The following TSHZ2 variants were observed in gnomAD, a reference collection of about 807,000 sequenced individuals.
The protein encoded by TSHZ2 is teashirt zinc finger homeobox 2, also known as teashirt homolog 2.
TSHZ2 carries 21 observed loss-of-function variants against 74.4 expected under a neutral mutation model. The observed-to-expected ratio is 0.28, with a 90% CI of 0.20 to 0.41. TSHZ2 has a LOEUF of 0.41. Ranked by LOEUF, TSHZ2 falls within the 10% of genes least tolerant of loss-of-function variation. TSHZ2 has a pLI of 1.00. For synonymous variants in TSHZ2, 540 were observed against 515.3 expected (o/e 1.05, Z -0.65); for missense variants, 1,244 against 1,293.5 (o/e 0.96, Z 0.59).
intron 2 of TSHZ2, among the ~76,000 whole-genome samples, chr20:53,327,405 C>T (rs1843549338): frequency 6.6e-6 from 1 of 152,164 alleles, no homozygotes; most frequent in South Asian, 2.1e-4. Flanking sequence ...AGGAGAATGG[C>T]ATGAACCCGG....
At chr20:53,405,388 G>A (rs955749297) in intron 2 of TSHZ2, among the ~76,000 whole-genome samples, 4 of 152,146 alleles carry the variant, frequency 2.6e-5, no homozygotes, top group South Asian at 2.1e-4. Flanking sequence ...CAGAACCACC[G>A]GGGACTGACA....
chr20:53,437,005 C>G (rs1984108929), intron 2 of TSHZ2, among the ~76,000 whole-genome samples: 1 of 152,190 alleles, frequency 6.6e-6, no homozygotes, highest in Non-Finnish European at 1.5e-5. Flanking sequence ...CCTGCTCAAA[C>G]ACCACCTCCT....
chr20:53,469,614 TAGAG>T (rs1437061564), intron 2 of TSHZ2, among the ~76,000 whole-genome samples: 1 of 69,874 alleles, frequency 1.4e-5, no homozygotes, highest in African/African-American at 5.9e-5. Context: ...GAAAGATAGA[TAGAG>T]AGGGAGGAAG....
At chr20:53,304,789 G>A (rs8121015) in intron 2 of TSHZ2, among the ~76,000 whole-genome samples, 44,489 of 151,588 alleles carry the variant, frequency 0.29, 7,081 homozygotes, top group Non-Finnish European at 0.35. Context: ...GCACCACCAC[G>A]CCCAGCTAAT....
At chr20:53,482,598 G>A (rs914007706) in intron 2 of TSHZ2, among the ~76,000 whole-genome samples, 1 of 152,056 alleles carries the variant, frequency 6.6e-6, no homozygotes, top group Non-Finnish European at 1.5e-5. Context: ...CACCTACTAT[G>A]TGCACACAAA....
intron 2 of TSHZ2, among the ~76,000 whole-genome samples, chr20:53,372,856 C>G (rs1218090626): frequency 2.6e-5 from 4 of 152,206 alleles, no homozygotes; most frequent in African/African-American, 9.7e-5. Flanking sequence ...GAAAATCTAC[C>G]TCCTGGAATC....
At chr20:52,986,705 G>T (rs552258873) in intron 1 of TSHZ2, among the ~76,000 whole-genome samples, 4 of 152,124 alleles carry the variant, frequency 2.6e-5, no homozygotes, top group African/African-American at 9.6e-5. Flanking sequence ...CTCCAGCCTG[G>T]GCAACAGAGT....
chr20:53,013,011 GA>G (rs1054438512), intron 1 of TSHZ2, among the ~76,000 whole-genome samples: 3 of 151,866 alleles, frequency 2.0e-5, no homozygotes, highest in Non-Finnish European at 4.4e-5. Flanking sequence ...TATGATCTCA[GA>G]AAAAAAGAAT....
intron 2 of TSHZ2, among the ~76,000 whole-genome samples, chr20:53,304,083 C>T (rs1444541403): frequency 6.6e-6 from 1 of 151,710 alleles, no homozygotes; most frequent in African/African-American, 2.4e-5. Flanking sequence ...TACATGTGCA[C>T]AATGTGCAGG....
intron 1 of TSHZ2, among the ~76,000 whole-genome samples, chr20:53,186,813 C>T (rs537659156): frequency 9.9e-4 from 150 of 152,216 alleles, no homozygotes; most frequent in African/African-American, 3.5e-3. Context: ...CCTCATCAAT[C>T]ACTTGGGGGA....
chr20:53,075,637 A>G (rs1985342596), intron 1 of TSHZ2, among the ~76,000 whole-genome samples: 1 of 152,228 alleles, frequency 6.6e-6, no homozygotes, highest in African/African-American at 2.4e-5. Context: ...AGGACAGGTG[A>G]GAACTAAACA....
chr20:53,014,527 C>T (rs1377017204), intron 1 of TSHZ2, among the ~76,000 whole-genome samples: 3 of 152,122 alleles, frequency 2.0e-5, no homozygotes, highest in Non-Finnish European at 2.9e-5. Flanking sequence ...ACTGGAGGCA[C>T]CTGGATTCCT....
intron 2 of TSHZ2, among the ~76,000 whole-genome samples, chr20:53,341,959 C>G (rs1300705643): frequency 6.6e-6 from 1 of 152,198 alleles, no homozygotes; most frequent in Non-Finnish European, 1.5e-5. Context: ...GATCCACCCA[C>G]CTCGGCCTCC....
chr20:53,240,705 A>T (rs1474267349), intron 1 of TSHZ2, among the ~76,000 whole-genome samples: 1 of 148,076 alleles, frequency 6.8e-6, no homozygotes, highest in Non-Finnish European at 1.5e-5. Flanking sequence ...ACTGTGCATT[A>T]AAATAGATAG....
chr20:53,415,298 A>C (rs1983197496), intron 2 of TSHZ2, among the ~76,000 whole-genome samples: 1 of 152,238 alleles, frequency 6.6e-6, no homozygotes, highest in Non-Finnish European at 1.5e-5. Context: ...TGTCTTAAGA[A>C]ATGCCAGTGG....
intron 1 of TSHZ2, among the ~76,000 whole-genome samples, chr20:53,081,997 G>A (rs1985551785): frequency 6.6e-6 from 1 of 150,872 alleles, no homozygotes; most frequent in African/African-American, 2.4e-5. Context: ...TATGAAAATA[G>A]CCCAGAGGAG....
At chr20:53,278,989 A>G (rs1343463560) in intron 2 of TSHZ2, among the ~76,000 whole-genome samples, 3 of 152,260 alleles carry the variant, frequency 2.0e-5, no homozygotes, top group South Asian at 2.1e-4. Flanking sequence ...CATATTTTGT[A>G]TGTTATATGC....
intron 1 of TSHZ2, among the ~76,000 whole-genome samples, chr20:53,048,425 G>A (rs563208669): frequency 8.7e-4 from 133 of 152,156 alleles, no homozygotes; most frequent in Non-Finnish European, 1.7e-3. Context: ...CTCATCTTTT[G>A]CCCAGGACTT....
chr20:53,408,624 GA>G (rs1333825933), intron 2 of TSHZ2, among the ~76,000 whole-genome samples: 6 of 129,470 alleles, frequency 4.6e-5, no homozygotes, highest in Admixed American at 2.1e-4. Context: ...CAGTTGGGAG[GA>G]AAGGGGCCAA....
Sources: allele counts gnomAD v4.1 joint callset (sites outside exome capture counted in the v4.1 genomes callset), GRCh38; gene constraint gnomAD v4.1.1; transcripts MANE v1.5; gene names NCBI Gene and HGNC (gene_info 2026-07-23, HGNC 2026-07-21).